The following NFIL3 variants were observed in gnomAD, a reference collection of about 807,000 sequenced individuals.
The protein encoded by NFIL3 is nuclear factor interleukin-3-regulated protein.
In NFIL3, 5 loss-of-function variants were observed where a neutral mutation model predicts 10.0. The observed-to-expected ratio is 0.50, with a 90% CI of 0.26 to 1.06. The LOEUF (loss-of-function observed/expected upper bound fraction) is 1.06. Ranked by LOEUF, NFIL3 falls within the 50% of genes least tolerant of loss-of-function variation. The pLI, the probability that NFIL3 is intolerant of heterozygous loss-of-function variation, is 0.13. For synonymous variants in NFIL3, 202 were observed against 206.5 expected, an observed-to-expected ratio of 0.98 and a Z score of 0.19; for missense variants, 436 against 547.6, an observed-to-expected ratio of 0.80 and a Z score of 2.03.
At chr9:91,466,690 G>A in the NFIL3 span, among the ~76,000 whole-genome samples, 1 of 152,226 alleles carries the variant, frequency 6.6e-6, no homozygotes, top group East Asian at 1.9e-4. Context: ...TTGGCCATAC[G>A]CAGGATAGTT....
At chr9:91,441,691 T>C in the NFIL3 span, among the ~76,000 whole-genome samples, 1 of 152,280 alleles carries the variant, frequency 6.6e-6, no homozygotes, top group African/African-American at 2.4e-5. Context: ...GTGGTTACCA[T>C]GAGGCTTGCA....
the NFIL3 span, among the ~76,000 whole-genome samples, chr9:91,479,339 C>T: frequency 6.6e-6 from 1 of 152,194 alleles, no homozygotes; most frequent in African/African-American, 2.4e-5. Flanking sequence ...CAGAGATGCC[C>T]TGCCCAGAGA....
chr9:91,453,718 G>A, the NFIL3 span, among the ~76,000 whole-genome samples: 1 of 151,836 alleles, frequency 6.6e-6, no homozygotes, highest in Non-Finnish European at 1.5e-5. Flanking sequence ...ATGGGAATAG[G>A]GTGCATTTGT....
the NFIL3 span, among the ~76,000 whole-genome samples, chr9:91,441,888 AC>A: frequency 1.3e-5 from 2 of 152,238 alleles, no homozygotes; most frequent in East Asian, 3.9e-4. Context: ...GACTGTTTTG[AC>A]TTTTAACCTT....
chr9:91,455,561 TCCAA>T, the NFIL3 span, among the ~76,000 whole-genome samples: 1 of 152,172 alleles, frequency 6.6e-6, no homozygotes. Context: ...TTGGATTTAT[TCCAA>T]ACCCTTCATC....
At chr9:91,437,391 C>A in the NFIL3 span, among the ~76,000 whole-genome samples, 2 of 152,150 alleles carry the variant, frequency 1.3e-5, no homozygotes, top group Non-Finnish European at 2.9e-5. Context: ...TAAATTTAAT[C>A]ATTTATACTT....
chr9:91,455,339 G>T, the NFIL3 span, among the ~76,000 whole-genome samples: 1 of 152,002 alleles, frequency 6.6e-6, no homozygotes, highest in African/African-American at 2.4e-5. Flanking sequence ...CTTTCCTTCT[G>T]CATTTATTAC....
In NFIL3 at chr9:91,410,332, C is replaced by T. The variant is rs763165316; in HGVS notation, c.403G>A (p.Ala135Thr). The T allele has an allele frequency of 1.2e-6, 2 of 1,614,242 alleles. No homozygotes were observed. Among genetic ancestry groups the T allele is most frequent in the Non-Finnish European group, 1.7e-6 (2 of 1,180,050 alleles). The change falls in exon 2 of 2, where the codon GCT becomes ACT. Residue 135 changes from alanine (A) to threonine (T), a missense_variant. Physicochemically the swap from Ala to Thr is moderately conservative, Grantham distance 58. Transcript: ENST00000297689. The surrounding 1 kb of genome is among the most constrained non-coding windows in gnomAD (Gnocchi z 5.7). ...KFGLISSTAY[A>T]QEIQKLSNST... Reference sequence around the variant, plus strand: ...TTACTGAGTTTCTGAATCTCTTGAGCATATGCTGTGGAGCTAATTAAACCA... The same window carrying T: ...TTACTGAGTTTCTGAATCTCTTGAGTATATGCTGTGGAGCTAATTAAACCA...
the NFIL3 span, among the ~76,000 whole-genome samples, chr9:91,438,954 A>G: frequency 6.6e-6 from 1 of 152,180 alleles, no homozygotes; most frequent in Non-Finnish European, 1.5e-5. Flanking sequence ...TAAGATCAGA[A>G]AGTGTGATAC....
the NFIL3 span, among the ~76,000 whole-genome samples, chr9:91,435,771 G>A: frequency 6.6e-6 from 1 of 152,182 alleles, no homozygotes; most frequent in Non-Finnish European, 1.5e-5. Flanking sequence ...TGTGCCTACA[G>A]CTTATAATCT....
At chr9:91,446,068 TGG>T in the NFIL3 span, among the ~76,000 whole-genome samples, 21 of 152,162 alleles carry the variant, frequency 1.4e-4, no homozygotes, top group Middle Eastern at 3.2e-3. Context: ...GCTCTTTCTC[TGG>T]GGTAGTGCAG....
Position 91,410,727 on chromosome 9 carries a change from A to G in NFIL3, c.8T>C (p.Leu3Pro). 1 of 1,588,734 alleles carries G rather than the reference A, an allele frequency of 6.3e-7. No individual in the cohort carries two copies. The highest frequency in any genetic ancestry group is 2.2e-5 in the East Asian group (1 of 44,730). MQ[L>P]RKMQTVKKEQ... ...CTTTTTGACGGTCTGCATTTTTCTCAGCTGCATCAGAAACAACCTTACCCT... is the reference window on the plus strand; with the variant it reads ...CTTTTTGACGGTCTGCATTTTTCTCGGCTGCATCAGAAACAACCTTACCCT... Residue 3 changes from leucine to proline, a missense_variant, in exon 2 of 2, where the codon CTG (leucine) becomes CCG (proline). Leu to Pro is a moderately conservative substitution (Grantham distance 98, BLOSUM62 -3). Transcript: ENST00000297689. This position sits in a 1 kb window ranked among gnomAD's most constrained non-coding sequence, Gnocchi z 5.7.
chr9:91,449,210 A>G, the NFIL3 span, among the ~76,000 whole-genome samples: 1 of 152,106 alleles, frequency 6.6e-6, no homozygotes, highest in Non-Finnish European at 1.5e-5. Flanking sequence ...TTATTGTCTA[A>G]TTGCTCTGGC....
At chr9:91,433,275 G>A in the NFIL3 span, among the ~76,000 whole-genome samples, 1 of 152,178 alleles carries the variant, frequency 6.6e-6, no homozygotes, top group Admixed American at 6.5e-5. Flanking sequence ...ATTTATTGCT[G>A]TGACTATCGG....
At chr9:91,432,489 A>G in the NFIL3 span, among the ~76,000 whole-genome samples, 1 of 152,246 alleles carries the variant, frequency 6.6e-6, no homozygotes, top group African/African-American at 2.4e-5. Flanking sequence ...AAAGATTCAA[A>G]GTGCAGCAAT....
At chr9:91,454,765 G>C in the NFIL3 span, among the ~76,000 whole-genome samples, 1 of 152,208 alleles carries the variant, frequency 6.6e-6, no homozygotes, top group Non-Finnish European at 1.5e-5. Flanking sequence ...CCAGGAGACA[G>C]AGGTTGCAGT....
chr9:91,447,052 G>A, the NFIL3 span, among the ~76,000 whole-genome samples: 3 of 152,134 alleles, frequency 2.0e-5, no homozygotes, highest in Admixed American at 2.0e-4. Flanking sequence ...CCGACCTCAG[G>A]TTATCTGCTT....
intron 1 of NFIL3, among the ~76,000 whole-genome samples, chr9:91,413,437 G>T (rs1397127698): frequency 6.6e-6 from 1 of 152,040 alleles, no homozygotes; most frequent in Non-Finnish European, 1.5e-5. Flanking sequence ...TTTTAGTAGA[G>T]ACGGGATTTT....
intron 1 of NFIL3, among the ~76,000 whole-genome samples, chr9:91,414,375 G>A (rs1833612750): frequency 2.0e-5 from 3 of 152,090 alleles, no homozygotes. Context: ...AGCTACTTTT[G>A]TATTTTTAGT....
Sources: gnomAD v4.1 joint callset for allele counts (sites outside exome capture counted in the v4.1 genomes callset) on GRCh38, gnomAD v4.1.1 for gene constraint, Gnocchi (gnomAD v3.1) non-coding constraint, MANE v1.5 for transcripts, NCBI Gene and HGNC (gene_info 2026-07-23, HGNC 2026-07-21) for gene names.